The following PDE4D variants were observed in gnomAD, a reference collection of about 807,000 sequenced individuals.
PDE4D encodes the protein 3',5'-cyclic-AMP phosphodiesterase 4D.
In PDE4D, 24 loss-of-function variants were observed where a neutral mutation model predicts 87.4. The observed-to-expected ratio is 0.27, with a 90% CI of 0.20 to 0.39. The LOEUF (loss-of-function observed/expected upper bound fraction) is 0.39. Among genes scored for constraint, PDE4D ranks in the 10% least tolerant of loss-of-function variants. PDE4D has a pLI of 1.00. For missense variants in PDE4D, 714 were observed against 1,041.0 expected (o/e 0.69, Z 4.32); for synonymous variants, 384 against 383.2 (o/e 1.00, Z -0.02).
chr5:59,872,939 G>A lies in PDE4D; in HGVS notation c.455+20229C>T, dbSNP rs890055639. On this transcript the variant is annotated intron_variant, in intron 1 of 14. Transcript: ENST00000340635. ...CTATTTTCACCCTCTTAGATACAAC[G>A]AAACAATTAGAGACTGCATGTCTTC... 4.6e-5 allele frequency among the ~76,000 whole-genome samples: 7 copies of A among 151,950 alleles called. 1 individual carries two copies. The highest frequency in any genetic ancestry group is 1.5e-5 in the Non-Finnish European group (1 of 67,992).
At chr5:60,227,036 G>C (rs1157434280) in intron 1 of PDE4D, among the ~76,000 whole-genome samples, 2 of 151,826 alleles carry the variant, frequency 1.3e-5, no homozygotes, top group Non-Finnish European at 2.9e-5. Flanking sequence ...TTTTGACAGA[G>C]GGAAAAATAT....
At chr5:59,880,052 C>T (rs760477793) in intron 1 of PDE4D, among the ~76,000 whole-genome samples, 1 of 152,080 alleles carries the variant, frequency 6.6e-6, no homozygotes, top group Non-Finnish European at 1.5e-5. Flanking sequence ...TATTGCTTTT[C>T]TACATACTCC....
intron 1 of PDE4D, among the ~76,000 whole-genome samples, chr5:60,255,993 C>T (rs1317123036): frequency 6.6e-6 from 1 of 151,890 alleles, no homozygotes; most frequent in Non-Finnish European, 1.5e-5. Context: ...TCCCTGGACA[C>T]ATTTGTTGTC....
chr5:60,149,162 C>T (rs1781275673), intron 2 of PDE4D, among the ~76,000 whole-genome samples: 1 of 152,156 alleles, frequency 6.6e-6, no homozygotes, highest in Non-Finnish European at 1.5e-5. Context: ...AAACCACTGT[C>T]TTAGTCCACT....
intron 1 of PDE4D, among the ~76,000 whole-genome samples, chr5:60,413,169 C>A (rs1742183020): frequency 6.6e-6 from 1 of 152,166 alleles, no homozygotes; most frequent in African/African-American, 2.4e-5. Context: ...CCAGGACATA[C>A]TTCCTAGATT....
chr5:60,253,748 C>T (rs570023376), intron 1 of PDE4D, among the ~76,000 whole-genome samples: 1 of 151,972 alleles, frequency 6.6e-6, no homozygotes, highest in Admixed American at 6.6e-5. Context: ...ACAATGAGTA[C>T]TAAAGTCAAG....
At chr5:59,917,636 T>G (rs1754210703) in intron 3 of PDE4D, among the ~76,000 whole-genome samples, 2 of 152,208 alleles carry the variant, frequency 1.3e-5, no homozygotes, top group African/African-American at 2.4e-5. Context: ...CCCTGAATAT[T>G]TAGGGCTTCA....
intron 11 of PDE4D, among the ~76,000 whole-genome samples, chr5:58,985,777 G>A (rs542560017): frequency 1.3e-5 from 2 of 152,270 alleles, no homozygotes; most frequent in African/African-American, 4.8e-5. Flanking sequence ...TTTAAAAAAG[G>A]TTTACTGCAA....
chr5:59,196,655 A>C (rs982366668), intron 2 of PDE4D, among the ~76,000 whole-genome samples: 1 of 152,198 alleles, frequency 6.6e-6, no homozygotes, highest in African/African-American at 2.4e-5. Flanking sequence ...ACATAAAGGC[A>C]CCTTTAGAGT....
chr5:60,433,676 G>T (rs1367807434), intron 1 of PDE4D, among the ~76,000 whole-genome samples: 1 of 152,102 alleles, frequency 6.6e-6, no homozygotes, highest in African/African-American at 2.4e-5. Flanking sequence ...CAACCAAAAT[G>T]GTCAACAACA....
intron 3 of PDE4D, among the ~76,000 whole-genome samples, chr5:59,190,212 G>C (rs889556827): frequency 5.9e-5 from 9 of 152,110 alleles, no homozygotes; most frequent in African/African-American, 1.7e-4. Context: ...GACAGGGGAA[G>C]GCCATTTTTA....
At chr5:59,548,527 T>A (rs1172399360) in intron 1 of PDE4D, among the ~76,000 whole-genome samples, 1 of 152,100 alleles carries the variant, frequency 6.6e-6, no homozygotes, top group Non-Finnish European at 1.5e-5. Context: ...AAGCTTACGA[T>A]CTGGTGGGAT....
intron 6 of PDE4D, among the ~76,000 whole-genome samples, chr5:59,011,181 A>G (rs548247501): frequency 6.6e-6 from 1 of 152,300 alleles, no homozygotes; most frequent in East Asian, 1.9e-4. Context: ...AAAACCACAA[A>G]GATGGGGAGA....
At chr5:59,364,722 A>G (rs544125404) in intron 1 of PDE4D, among the ~76,000 whole-genome samples, 10 of 152,332 alleles carry the variant, frequency 6.6e-5, no homozygotes, top group African/African-American at 2.4e-4. Context: ...TTTGAAATAA[A>G]CAGAGCTAAA....
intron 1 of PDE4D, among the ~76,000 whole-genome samples, chr5:59,766,620 C>A (rs190499627): frequency 1.3e-5 from 2 of 152,188 alleles, no homozygotes; most frequent in Admixed American, 6.5e-5. Context: ...GATAAAGCAG[C>A]GCAACCAAAA....
intron 5 of PDE4D, among the ~76,000 whole-genome samples, chr5:59,067,610 G>A (rs1764138920): frequency 6.6e-6 from 1 of 152,022 alleles, no homozygotes; most frequent in Admixed American, 6.6e-5. Context: ...GATTCATATG[G>A]GTTTGCCAAA....
chr5:60,433,496 T>C (rs1744520000), intron 1 of PDE4D, among the ~76,000 whole-genome samples: 1 of 152,218 alleles, frequency 6.6e-6, no homozygotes, highest in African/African-American at 2.4e-5. Flanking sequence ...GTCCAGCCAC[T>C]GTGGAAAGCA....
intron 2 of PDE4D, among the ~76,000 whole-genome samples, chr5:60,154,505 A>T (rs1382579927): frequency 6.6e-6 from 1 of 152,098 alleles, no homozygotes; most frequent in Non-Finnish European, 1.5e-5. Context: ...GGAACTCCTG[A>T]CCTTATGATC....
At chr5:60,189,328 G>C (rs1785028000) in intron 1 of PDE4D, among the ~76,000 whole-genome samples, 1 of 152,184 alleles carries the variant, frequency 6.6e-6, no homozygotes, top group Admixed American at 6.5e-5. Context: ...AGAGATTAAA[G>C]ATTTATATAG....
Sources: allele counts gnomAD v4.1 joint callset (sites outside exome capture counted in the v4.1 genomes callset), GRCh38; gene constraint gnomAD v4.1.1; transcripts MANE v1.5; gene names NCBI Gene and HGNC (gene_info 2026-07-23, HGNC 2026-07-21).